Variants in TNR observed in about 807,000 individuals in gnomAD.
TNR encodes tenascin R, also known as tenascin-R.
In TNR, 45 loss-of-function variants were observed where a neutral mutation model predicts 150.4. The ratio of observed to expected loss-of-function variants is 0.30; its 90% CI spans 0.24 to 0.38. TNR has a LOEUF of 0.38. Ranked by LOEUF, TNR falls within the 10% of genes least tolerant of loss-of-function variation. The pLI is 1.00. For synonymous variants in TNR, 687 were observed against 678.4 expected (o/e 1.01, Z -0.20); for missense variants, 1,544 against 1,759.1 (o/e 0.88, Z 2.19).
intron 2 of TNR, among the ~76,000 whole-genome samples, chr1:175,424,767 T>G (rs1654896793): frequency 6.6e-6 from 1 of 152,110 alleles, no homozygotes; most frequent in Admixed American, 6.6e-5. Context: ...CACCAGCCAG[T>G]TGCCGCCAGA....
chr1:175,715,648 A>T (rs1266547832), intron 1 of TNR, among the ~76,000 whole-genome samples: 1 of 152,188 alleles, frequency 6.6e-6, no homozygotes, highest in Non-Finnish European at 1.5e-5. Flanking sequence ...TGATGCTGGG[A>T]TGTCATAAGA....
At chr1:175,502,944 C>A (rs1658798843) in intron 2 of TNR, among the ~76,000 whole-genome samples, 1 of 148,130 alleles carries the variant, frequency 6.8e-6, no homozygotes, top group African/African-American at 2.7e-5. Flanking sequence ...TAAAGGGGTG[C>A]TACAATTATC....
intron 1 of TNR, among the ~76,000 whole-genome samples, chr1:175,640,964 G>A (rs1231798470): frequency 6.6e-6 from 1 of 152,090 alleles, no homozygotes; most frequent in Non-Finnish European, 1.5e-5. Flanking sequence ...TAACAACCTA[G>A]ATTGTTGATG....
At chr1:175,499,450 T>C (rs541465207) in intron 2 of TNR, among the ~76,000 whole-genome samples, 1 of 152,138 alleles carries the variant, frequency 6.6e-6, no homozygotes, top group Admixed American at 6.5e-5. Context: ...ATTACCTTTG[T>C]TTCCCACGTA....
chr1:175,564,459 TA>T (rs1227894321), intron 1 of TNR, among the ~76,000 whole-genome samples: 3 of 152,244 alleles, frequency 2.0e-5, no homozygotes, highest in Non-Finnish European at 4.4e-5. Context: ...TTAATCCACT[TA>T]ATCAGTAAAT....
At chr1:175,361,489 G>T (rs1651586000) in intron 14 of TNR, among the ~76,000 whole-genome samples, 1 of 152,194 alleles carries the variant, frequency 6.6e-6, no homozygotes, top group Non-Finnish European at 1.5e-5. Flanking sequence ...CATAAGCCTG[G>T]AAGGAGACTA....
At chr1:175,686,136 G>C (rs915188937) in intron 1 of TNR, among the ~76,000 whole-genome samples, 6 of 152,214 alleles carry the variant, frequency 3.9e-5, no homozygotes, top group African/African-American at 1.4e-4. Flanking sequence ...TGCTTCTCCA[G>C]CTAACAGTTA....
intron 2 of TNR, among the ~76,000 whole-genome samples, chr1:175,437,870 A>G (rs1378749406): frequency 6.6e-6 from 1 of 152,218 alleles, no homozygotes; most frequent in Non-Finnish European, 1.5e-5. Context: ...AGGCTCTGAA[A>G]TTGAGGCAAT....
At chr1:175,695,298 G>A (rs369941892) in intron 1 of TNR, among the ~76,000 whole-genome samples, 8 of 152,338 alleles carry the variant, frequency 5.3e-5, no homozygotes, top group Admixed American at 3.3e-4. Flanking sequence ...AGCCGTGTAA[G>A]TGAGAGATCC....
intron 1 of TNR, among the ~76,000 whole-genome samples, chr1:175,646,401 G>A (rs1664809259): frequency 1.3e-5 from 2 of 152,230 alleles, no homozygotes; most frequent in African/African-American, 2.4e-5. Flanking sequence ...AGCAGGAGCA[G>A]TGCCAGGTAG....
chr1:175,404,719 A>G (rs1180138064), intron 3 of TNR, among the ~76,000 whole-genome samples: 6 of 152,166 alleles, frequency 3.9e-5, no homozygotes, highest in Admixed American at 3.3e-4. Context: ...GCTGGCAAAA[A>G]GTTCACTTAT....
At chr1:175,509,529 C>T (rs1659084019) in intron 2 of TNR, among the ~76,000 whole-genome samples, 1 of 152,218 alleles carries the variant, frequency 6.6e-6, no homozygotes, top group African/African-American at 2.4e-5. Context: ...TTCTCCCTCC[C>T]TAACTCCCTG....
At position 175,437,469 on chromosome 1, in the gene TNR, T is replaced by C. The variant is rs1024680652; in HGVS notation, c.-63-30692A>G. 2.1e-4 allele frequency among the ~76,000 whole-genome samples: 32 copies of C among 152,024 alleles called. 1 individual carries two copies. Among genetic ancestry groups the C allele is most frequent in the Non-Finnish European group, 8.8e-5 (6 of 68,020 alleles). ...ACCCTAACATCACAATTAAAAGAACTAGAGAAGCAAGAGCAAATACATTCA... is the reference window on the plus strand; with the variant it reads ...ACCCTAACATCACAATTAAAAGAACCAGAGAAGCAAGAGCAAATACATTCA... On this transcript the variant is annotated intron_variant, in intron 2 of 22. Transcript: ENST00000367674.
chr1:175,640,532 T>A (rs1571703728), intron 1 of TNR, among the ~76,000 whole-genome samples: 1 of 152,206 alleles, frequency 6.6e-6, no homozygotes, highest in African/African-American at 2.4e-5. Context: ...TACTTTGCCC[T>A]ACCTACTTCA....
rs61602065 is a variant in TNR, at chr1:175,547,564, GGAAAGAAAGAAAGAAA to G, written c.-164-19211_-164-19196del. 6.4e-3 allele frequency among the ~76,000 whole-genome samples: 844 copies of G among 131,076 alleles called. 5 individuals carry two copies. The highest frequency in any genetic ancestry group is 0.023 in the African/African-American group (747 of 32,676). The allele number at this position is 131,076 out of a possible 152,430, so 86.0% of individuals were successfully genotyped here. On this transcript the variant is annotated intron_variant, in intron 1 of 22. Coordinates refer to ENST00000367674, the MANE Select transcript of TNR (RefSeq NM_003285.3). ...AGACAAAGGAGAAAGAAAGATAGAAGGAAAGAAAGAAAGAAAGAAAGAAAGAAAGAAAGAAAGAAAG... is the reference window on the plus strand; with the variant it reads ...AGACAAAGGAGAAAGAAAGATAGAAGGAAAGAAAGAAAGAAAGAAAGAAAG...
chr1:175,332,028 A>G (rs181045106), intron 20 of TNR, among the ~76,000 whole-genome samples: 1 of 152,328 alleles, frequency 6.6e-6, no homozygotes, highest in Admixed American at 6.5e-5. Flanking sequence ...CAGATGTAGT[A>G]GATGCTGATG....
At position 175,324,351 on chromosome 1, in the gene TNR, C is replaced by T; in HGVS notation, c.3957+5G>A. On this transcript the variant is annotated splice_donor_5th_base_variant and intron_variant, in intron 22 of 22. Transcript: ENST00000367674. ...CATTCATAGCAGAGGTGGAGCATCG[C>T]TTACCTGACTGTGCCTGGACTCCCC... The T allele has an allele frequency of 6.2e-7, 1 of 1,612,460 alleles. No homozygotes were observed. Among genetic ancestry groups the T allele is most frequent in the Non-Finnish European group, 8.5e-7 (1 of 1,179,442 alleles).
intron 9 of TNR, among the ~76,000 whole-genome samples, chr1:175,377,778 C>A (rs1451629566): frequency 6.6e-6 from 1 of 152,188 alleles, no homozygotes; most frequent in Admixed American, 6.5e-5. Context: ...ATCAAGACAG[C>A]AAATACTTTT....
intron 1 of TNR, among the ~76,000 whole-genome samples, chr1:175,690,378 TGTGAGA>T (rs1310756754): frequency 6.6e-6 from 1 of 152,186 alleles, no homozygotes; most frequent in Non-Finnish European, 1.5e-5. Flanking sequence ...AATAGACTGA[TGTGAGA>T]GTGAGTGATG....
Sources: allele counts gnomAD v4.1 joint callset (sites outside exome capture counted in the v4.1 genomes callset), GRCh38; gene constraint gnomAD v4.1.1; transcripts MANE v1.5; gene names NCBI Gene and HGNC (gene_info 2026-07-23, HGNC 2026-07-21).